The following TENM2 variants were observed in gnomAD, a reference collection of about 807,000 sequenced individuals.
TENM2 encodes the protein teneurin transmembrane protein 2.
A neutral mutation model predicts 245.2 loss-of-function variants in TENM2; 52 were observed. The ratio of observed to expected loss-of-function variants is 0.21; its 90% CI spans 0.17 to 0.27. The LOEUF is 0.27. Ranked by LOEUF, TENM2 falls within the 10% of genes least tolerant of loss-of-function variation. TENM2 has a pLI of 1.00. For missense variants in TENM2, 3,046 were observed against 3,666.8 expected (o/e 0.83, Z 4.37); for synonymous variants, 1,363 against 1,438.9 (o/e 0.95, Z 1.19).
At chr5:167,233,652 G>T in the TENM2 span, among the ~76,000 whole-genome samples, 4 of 152,058 alleles carry the variant, frequency 2.6e-5, no homozygotes, top group Non-Finnish European at 4.4e-5. Context: ...AACATATAAT[G>T]TATTCACTTA....
At chr5:167,999,351 A>G (rs1408078028) in intron 5 of TENM2, among the ~76,000 whole-genome samples, 1 of 152,254 alleles carries the variant, frequency 6.6e-6, no homozygotes. Context: ...GGACCCAGTC[A>G]TATTATCTAT....
intron 5 of TENM2, among the ~76,000 whole-genome samples, chr5:168,015,244 G>A (rs992464289): frequency 3.3e-5 from 5 of 152,170 alleles, no homozygotes; most frequent in African/African-American, 9.6e-5. Flanking sequence ...GAAATGATGG[G>A]AAAAAGCAAA....
intron 4 of TENM2, among the ~76,000 whole-genome samples, chr5:167,982,917 A>G (rs1782951968): frequency 6.6e-6 from 1 of 152,192 alleles, no homozygotes; most frequent in Admixed American, 6.5e-5. Context: ...ACTAAATGCA[A>G]TGGGAGAAAT....
At chr5:167,687,339 A>G (rs984953740) in intron 2 of TENM2, among the ~76,000 whole-genome samples, 12 of 152,168 alleles carry the variant, frequency 7.9e-5, no homozygotes, top group Admixed American at 6.5e-4. Flanking sequence ...AAATATGCAT[A>G]TGCACAAAGG....
rs937383089 is a variant in TENM2 at position 167,462,189 on chromosome 5, C to G, written c.502+86716C>G. 4.2e-3 allele frequency among the ~76,000 whole-genome samples: 552 copies of G among 132,644 alleles called. 10 individuals are homozygous for G. Among genetic ancestry groups the G allele is most frequent in the African/African-American group, 0.014 (519 of 36,530 alleles). The allele number at this position is 132,644 out of a possible 152,430, so 87.0% of individuals were successfully genotyped here. On this transcript the variant is annotated intron_variant, in intron 2 of 28. Coordinates refer to ENST00000518659, the Ensembl canonical transcript of TENM2. ...AGAGTTCCCTGACCCCCACCCCCCC[C>G]CCCCATTGCAGGACATGCAACAGGG...
At chr5:167,566,221 A>C (rs1192195008) in intron 2 of TENM2, among the ~76,000 whole-genome samples, 1 of 151,898 alleles carries the variant, frequency 6.6e-6, no homozygotes, top group African/African-American at 2.4e-5. Context: ...AGGGGAGCTA[A>C]GAAAACTGTG....
At chr5:167,560,366 A>ATT (rs34001234) in intron 2 of TENM2, among the ~76,000 whole-genome samples, 13 of 151,286 alleles carry the variant, frequency 8.6e-5, no homozygotes, top group Admixed American at 2.6e-4. Flanking sequence ...GCATCGCCTT[A>ATT]TTTTTTTTTC....
At chr5:167,504,190 C>A (rs1769395098) in intron 2 of TENM2, among the ~76,000 whole-genome samples, 1 of 152,058 alleles carries the variant, frequency 6.6e-6, no homozygotes, top group South Asian at 2.1e-4. Context: ...TATTCTTATT[C>A]TGTTATTAGG....
the TENM2 span, among the ~76,000 whole-genome samples, chr5:166,989,713 A>G: frequency 6.6e-6 from 1 of 151,706 alleles, no homozygotes; most frequent in South Asian, 2.1e-4. Flanking sequence ...AATATTTACC[A>G]TTATTCCTTA....
the TENM2 span, among the ~76,000 whole-genome samples, chr5:167,061,641 G>A: frequency 6.6e-6 from 1 of 152,056 alleles, no homozygotes; most frequent in African/African-American, 2.4e-5. Context: ...TAACGTAAGT[G>A]AAAGAAAAGA....
At chr5:167,772,045 C>G (rs987364018) in intron 2 of TENM2, among the ~76,000 whole-genome samples, 1 of 152,118 alleles carries the variant, frequency 6.6e-6, no homozygotes, top group Non-Finnish European at 1.5e-5. Flanking sequence ...GCTTCCTTTT[C>G]TTCTGTGAAA....
the TENM2 span, among the ~76,000 whole-genome samples, chr5:167,145,743 A>G: frequency 1.3e-5 from 2 of 152,252 alleles, no homozygotes; most frequent in African/African-American, 4.8e-5. Flanking sequence ...ATACAATGCC[A>G]ATGGGACTGA....
chr5:167,693,469 G>T (rs1239895136), intron 2 of TENM2, among the ~76,000 whole-genome samples: 1 of 152,172 alleles, frequency 6.6e-6, no homozygotes, highest in Non-Finnish European at 1.5e-5. Context: ...TGTTGAACTT[G>T]ATTCAATTTT....
chr5:167,959,002 A>G (rs1335392857), intron 4 of TENM2, among the ~76,000 whole-genome samples: 3 of 151,854 alleles, frequency 2.0e-5, no homozygotes, highest in Non-Finnish European at 4.4e-5. Flanking sequence ...TGTTTTCTGT[A>G]TTTCCTGAAC....
At chr5:168,029,041 T>C (rs1374469752) in intron 5 of TENM2, among the ~76,000 whole-genome samples, 1 of 152,152 alleles carries the variant, frequency 6.6e-6, no homozygotes, top group Non-Finnish European at 1.5e-5. Flanking sequence ...CAGAAACTTA[T>C]TTCTTGGGTC....
chr5:167,813,393 AC>A (rs1468060209), intron 2 of TENM2, among the ~76,000 whole-genome samples: 7 of 115,142 alleles, frequency 6.1e-5, no homozygotes, highest in African/African-American at 3.6e-4. Flanking sequence ...TTCTGCACAC[AC>A]ACACACACAC....
the TENM2 span, among the ~76,000 whole-genome samples, chr5:167,106,531 G>C: frequency 6.6e-6 from 1 of 152,230 alleles, no homozygotes; most frequent in African/African-American, 2.4e-5. Context: ...GTTTCTGATA[G>C]ACTAAGGAAT....
intron 2 of TENM2, among the ~76,000 whole-genome samples, chr5:167,685,623 A>G (rs1757024455): frequency 6.6e-6 from 1 of 152,130 alleles, no homozygotes; most frequent in Non-Finnish European, 1.5e-5. Flanking sequence ...CCTGTTCCCA[A>G]TGTGTGTAGA....
chr5:167,770,445 A>C (rs1763328660), intron 2 of TENM2, among the ~76,000 whole-genome samples: 1 of 152,198 alleles, frequency 6.6e-6, no homozygotes, highest in Non-Finnish European at 1.5e-5. Flanking sequence ...AAGCAATGTT[A>C]GGAGCTTTGT....
Sources: allele counts gnomAD v4.1 joint callset (sites outside exome capture counted in the v4.1 genomes callset), GRCh38; gene constraint gnomAD v4.1.1; transcripts MANE v1.5; gene names NCBI Gene and HGNC (gene_info 2026-07-23, HGNC 2026-07-21).